ANKRD18A: variants seen among roughly 807,000 people sequenced by gnomAD.
ANKRD18A encodes the protein ankyrin repeat domain-containing protein 18A.
In ANKRD18A, 72 loss-of-function variants were observed where a neutral mutation model predicts 110.6. The observed-to-expected ratio is 0.65, with a 90% CI of 0.54 to 0.79. The LOEUF is 0.79. ANKRD18A is among the 30% of genes least tolerant of loss of function. The pLI, the probability that ANKRD18A is intolerant of heterozygous loss-of-function variation, is 0.00. For synonymous variants in ANKRD18A, 305 were observed against 410.3 expected (o/e 0.74, Z 3.10); for missense variants, 934 against 1,163.3 (o/e 0.80, Z 2.87).
rs1399958954 is a variant in ANKRD18A, at chr9:38,571,930, A to C, written c.*115T>G. 26 of 1,482,980 alleles carry C rather than the reference A, an allele frequency of 1.8e-5. No homozygotes were observed. Among genetic ancestry groups the C allele is most frequent in the Non-Finnish European group, 2.2e-5 (24 of 1,114,244 alleles). The allele number at this position is 1,482,980 out of a possible 1,614,324, so 91.9% of individuals were successfully genotyped here. ...ATTTCATGTAAATAGCCCAGTAATA[A>C]AGTTTTATGATCTTTTAAATCATAC... On this transcript the variant is annotated 3_prime_UTR_variant, in exon 16 of 16. Transcript: ENST00000399703.
chr9:38,605,151 T>C (rs561346986), intron 6 of ANKRD18A, among the ~76,000 whole-genome samples: 1 of 152,346 alleles, frequency 6.6e-6, no homozygotes, highest in Non-Finnish European at 1.5e-5. Context: ...GTAAGCACTA[T>C]TTCAGGTAGT....
intron 1 of ANKRD18A, among the ~76,000 whole-genome samples, chr9:38,617,555 A>G (rs1222119941): frequency 6.6e-6 from 1 of 152,228 alleles, no homozygotes; most frequent in African/African-American, 2.4e-5. Flanking sequence ...GAATATATGC[A>G]AATCAGACTT....
Position 38,593,929 on chromosome 9 carries a change from A to G in ANKRD18A, c.1855-20T>C. 1 of 1,458,486 alleles carries G rather than the reference A, an allele frequency of 6.9e-7. No homozygotes were observed. The highest frequency in any genetic ancestry group is 9.0e-7 in the Non-Finnish European group (1 of 1,105,940). 90.3% of individuals were successfully genotyped at this position (1,458,486 alleles called of 1,614,324 possible). On this transcript the variant is annotated intron_variant, in intron 9 of 15. Transcript: ENST00000399703. ...AATCACCTGACAAAATATTTTTGTT[A>G]CCAATTTTATAAAGTGGCTTATTAT...
At chr9:38,590,862 T>C (rs1037295500) in intron 10 of ANKRD18A, among the ~76,000 whole-genome samples, 13 of 152,140 alleles carry the variant, frequency 8.5e-5, no homozygotes, top group African/African-American at 3.1e-4. Flanking sequence ...ATTGAGATGG[T>C]TTAAAGCTGC....
chr9:38,616,836 T>C (rs1825876734), intron 1 of ANKRD18A, among the ~76,000 whole-genome samples: 1 of 152,230 alleles, frequency 6.6e-6, no homozygotes, highest in South Asian at 2.1e-4. Context: ...TTTTGCAGGA[T>C]GATTTAAAGA....
intron 10 of ANKRD18A, among the ~76,000 whole-genome samples, chr9:38,590,534 G>A (rs1475355839): frequency 6.6e-6 from 1 of 152,194 alleles, no homozygotes; most frequent in African/African-American, 2.4e-5. Flanking sequence ...TTACAGATGT[G>A]AGCCACGGCA....
At chr9:38,601,939 T>G (rs1411796094) in intron 7 of ANKRD18A, among the ~76,000 whole-genome samples, 1 of 148,408 alleles carries the variant, frequency 6.7e-6, no homozygotes, top group Non-Finnish European at 1.5e-5. Flanking sequence ...GTCTCGGTCA[T>G]GCCATTGCAC....
At position 38,620,440 on chromosome 9, in the gene ANKRD18A, C is replaced by T; in HGVS notation, c.-155G>A. ...CCACCCCCAAATCCAAGATCCACCC[C>T]CAAACCCGCAATGTAGCTCAGAATC... On this transcript the variant is annotated 5_prime_UTR_variant, in exon 1 of 16. Coordinates refer to ENST00000399703, the MANE Select transcript of ANKRD18A (RefSeq NM_147195.4). The T allele has an allele frequency of 7.1e-7, 1 of 1,415,756 alleles. No individual in the cohort carries two copies. The highest frequency in any genetic ancestry group is 2.5e-5 in the East Asian group (1 of 39,550). The allele number at this position is 1,415,756 out of a possible 1,614,324, so 87.7% of individuals were successfully genotyped here. A position where few individuals can be genotyped will look rare whatever the true frequency, so the allele number is the denominator to read the frequency against.
At chr9:38,608,805 G>A (rs181576969) in intron 5 of ANKRD18A, among the ~76,000 whole-genome samples, 64 of 150,670 alleles carry the variant, frequency 4.2e-4, no homozygotes, top group African/African-American at 1.5e-3. Flanking sequence ...CACATTACTT[G>A]AGGGGCCAAC....
Position 38,571,980 on chromosome 9 carries a change from T to TA in ANKRD18A, c.*64dup. 1 of 1,447,686 alleles carries TA rather than the reference T, an allele frequency of 6.9e-7. No homozygotes were observed. Among genetic ancestry groups the TA allele is most frequent in the Admixed American group, 3.1e-5 (1 of 32,072 alleles). 89.7% of individuals were successfully genotyped at this position (1,447,686 alleles called of 1,614,324 possible). On this transcript the variant is annotated 3_prime_UTR_variant, in exon 16 of 16. Coordinates refer to ENST00000399703, the MANE Select transcript of ANKRD18A (RefSeq NM_147195.4). Reference sequence around the variant, plus strand: ...CAACTTTTCCTTAAGATTTTATGGTTAATCTCTTCATTAGATGTGGCTTAC... The same window carrying TA: ...CAACTTTTCCTTAAGATTTTATGGTTAAATCTCTTCATTAGATGTGGCTTAC...
chr9:38,566,953 G>C (rs1304658290), downstream of ANKRD18A: 1 of 152,136 alleles, frequency 6.6e-6, no homozygotes, highest in Non-Finnish European at 1.5e-5. Context: ...TTCAACGTTA[G>C]GAAATATAAT....
chr9:38,609,846 A>C (rs528183020), intron 5 of ANKRD18A, among the ~76,000 whole-genome samples: 1 of 151,860 alleles, frequency 6.6e-6, no homozygotes, highest in Non-Finnish European at 1.5e-5. Context: ...TAATTAGAAA[A>C]GTCAGGCCAG....
rs1199278649 is a variant in ANKRD18A at position 38,593,773 on chromosome 9, T to A, written c.1991A>T (p.Gln664Leu). 1 of 1,529,158 alleles carries A rather than the reference T, an allele frequency of 6.5e-7. No individual in the cohort carries two copies. Among genetic ancestry groups the A allele is most frequent in the African/African-American group, 1.4e-5 (1 of 72,052 alleles). The allele number at this position is 1,529,158 out of a possible 1,614,324, so 94.7% of individuals were successfully genotyped here. The change falls in exon 10 of 16, where the codon CAA (glutamine) becomes CTA (leucine). Residue 664 changes from glutamine (Q) to leucine (L), a missense_variant. This residue lies in a region of ANKRD18A where 630 missense variants were observed against 797.5 expected (regional missense o/e 0.79). Transcript: ENST00000399703. ...TTCCATACATACTTGAATTTCTACT[T>A]GAAATAATTTCTTCTTTGAAGTCCA... is the stretch of plus-strand genomic sequence containing the variant. ...ETWTSKKKLF[Q>L]VEIQPEEKHE...
At chr9:38,607,758 T>A (rs1488412943) in intron 5 of ANKRD18A, among the ~76,000 whole-genome samples, 2 of 152,248 alleles carry the variant, frequency 1.3e-5, no homozygotes, top group Non-Finnish European at 2.9e-5. Context: ...CTGTCCTGCA[T>A]TCACAGTAAG....
Position 38,571,593 on chromosome 9 carries a change from C to G in ANKRD18A, c.*452G>C. 9.9e-7 allele frequency: 1 copy of G among 1,010,488 alleles called. No homozygotes were observed. The allele number at this position is 1,010,488 out of a possible 1,614,324, so 62.6% of individuals were successfully genotyped here. On this transcript the variant is annotated 3_prime_UTR_variant, in exon 16 of 16. Transcript: ENST00000399703. ...AAACCGTAACACTAGTATGGACAAACCTGGCAGATACTCTTTAAGTCTCCT... is the reference window on the plus strand; with the variant it reads ...AAACCGTAACACTAGTATGGACAAAGCTGGCAGATACTCTTTAAGTCTCCT...
At chr9:38,573,744 TAA>T (rs1823761609) in intron 15 of ANKRD18A, among the ~76,000 whole-genome samples, 1 of 152,128 alleles carries the variant, frequency 6.6e-6, no homozygotes, top group African/African-American at 2.4e-5. Flanking sequence ...GTTAAACAAT[TAA>T]AGTCACATTT....
At chr9:38,574,946 T>C (rs1265802723) in intron 15 of ANKRD18A, among the ~76,000 whole-genome samples, 1 of 151,796 alleles carries the variant, frequency 6.6e-6, no homozygotes, top group Non-Finnish European at 1.5e-5. Flanking sequence ...ATACAAAAAT[T>C]AGCCAGGTGT....
intron 12 of ANKRD18A, among the ~76,000 whole-genome samples, chr9:38,585,941 A>T (rs1054031274): frequency 2.3e-4 from 35 of 152,282 alleles, no homozygotes; most frequent in African/African-American, 7.5e-4. Flanking sequence ...CTTACTTATA[A>T]GTGGGAGCTG....
intron 12 of ANKRD18A, among the ~76,000 whole-genome samples, chr9:38,584,217 C>T (rs1222191078): frequency 6.6e-6 from 1 of 152,178 alleles, no homozygotes; most frequent in East Asian, 1.9e-4. Flanking sequence ...AGAGAAGAAC[C>T]CAGATTTGGC....
Sources: allele counts gnomAD v4.1 joint callset (sites outside exome capture counted in the v4.1 genomes callset), GRCh38; gene constraint gnomAD v4.1.1; regional missense constraint gnomAD v4.1.1; transcripts MANE v1.5; gene names NCBI Gene and HGNC (gene_info 2026-07-23, HGNC 2026-07-21).